Variants in PLXNB2 observed in about 807,000 individuals in gnomAD.
The protein encoded by PLXNB2 is plexin B2, also known as plexin-B2.
In PLXNB2, 85 loss-of-function variants were observed where a neutral mutation model predicts 202.6. That is an observed-to-expected ratio of 0.42 (90% CI 0.35 to 0.50). The LOEUF (loss-of-function observed/expected upper bound fraction) is 0.50, where lower values mean the gene tolerates loss of function less well. PLXNB2 is among the 20% of genes least tolerant of loss of function. PLXNB2 has a pLI of 0.02. For missense variants in PLXNB2, 2,063 were observed against 2,586.2 expected (o/e 0.80, Z 4.39); for synonymous variants, 1,239 against 1,137.6 (o/e 1.09, Z -1.79).
Position 50,289,428 on chromosome 22 carries a change from C to T in PLXNB2, c.1068+89G>A, listed in dbSNP as rs1031031164. On this transcript the variant is annotated intron_variant, in intron 3 of 36. Transcript: ENST00000359337. This position sits in a 1 kb window ranked among gnomAD's most constrained non-coding sequence, Gnocchi z 8.0. The stretch of plus-strand genomic sequence containing the variant: ...GCGAGAGCCACGGCCACACTGCTCA[C>T]GTGCACCCTCCCCAGCAGGCTGGGA... 2.3e-5 allele frequency: 33 copies of T among 1,451,664 alleles called. No individual in the cohort carries two copies. Among genetic ancestry groups the T allele is most frequent in the African/African-American group, 1.7e-4 (12 of 70,448 alleles). 89.9% of individuals were successfully genotyped at this position (1,451,664 alleles called of 1,614,324 possible).
At position 50,296,477 on chromosome 22, in the gene PLXNB2, A is replaced by G. The variant is rs1333758106; in HGVS notation, c.-73-1699T>C. ...GAAGCTGAGCCAGGCACGGTGGCTC[A>G]CGCCTGTAATCCCAGCACTTTGGGA... On this transcript the variant is annotated intron_variant, in intron 1 of 36. Coordinates refer to ENST00000359337, the MANE Select transcript of PLXNB2 (RefSeq NM_012401.4). Among the ~76,000 whole-genome samples the G allele has an allele frequency of 2.6e-5, 4 of 151,442 alleles. No homozygotes were observed. In the East Asian group the frequency reaches 7.8e-4, roughly 30 times the overall value.
chr22:50,276,498 C>A (rs2065606025), intron 35 of PLXNB2, 131 bp downstream of exon 35: 1 of 777,700 alleles, frequency 1.3e-6, no homozygotes, highest in African/African-American at 1.7e-5. Context: ...GCCGAGCCCA[C>A]CTCGAGGTCC....
At chr22:50,293,237 G>C (rs956746967) in intron 2 of PLXNB2, among the ~76,000 whole-genome samples, 3 of 152,202 alleles carry the variant, frequency 2.0e-5, no homozygotes, top group Non-Finnish European at 2.9e-5. Flanking sequence ...TCAGTGGCCT[G>C]TCCAGGGGAG....
At chr22:50,303,895 T>A (rs1601784523) in intron 1 of PLXNB2, among the ~76,000 whole-genome samples, 1 of 152,178 alleles carries the variant, frequency 6.6e-6, no homozygotes, top group East Asian at 1.9e-4. Flanking sequence ...AACTATTGGC[T>A]TTCAGAAGCC....
At position 50,283,928 on chromosome 22, in the gene PLXNB2, C is replaced by T. The variant is rs374234427; in HGVS notation, c.2326G>A (p.Asp776Asn). 60 of 1,567,518 alleles carry T rather than the reference C, an allele frequency of 3.8e-5. No individual in the cohort carries two copies. In the Admixed American group the frequency reaches 4.0e-4, roughly 10 times the overall value. Reference protein sequence around the residue: ...DCSLCRAANPDYRCAWCGGQS... With the variant: ...DCSLCRAANPNYRCAWCGGQS... ...CCCCCGCACCACGCACACCTGTAGT[C>T]GGGGTTAGCGGCCCGGCACAGGCTG... The change falls in exon 14 of 37, where the codon GAC (aspartate) becomes AAC (asparagine). Residue 776 changes from aspartate (D) to asparagine (N), a missense_variant. Physicochemically the swap from Asp to Asn is conservative, Grantham distance 23. Coordinates refer to ENST00000359337, the MANE Select transcript of PLXNB2 (RefSeq NM_012401.4).
intron 22 of PLXNB2, 22 bp downstream of exon 22, chr22:50,281,338 C>G: frequency 1.9e-6 from 3 of 1,610,334 alleles, no homozygotes; most frequent in Non-Finnish European, 2.5e-6. Flanking sequence ...AGGGTGTTGG[C>G]ACAGCCGGGG....
At position 50,286,044 on chromosome 22, in the gene PLXNB2, G is replaced by A. The variant is rs190686647; in HGVS notation, c.1932C>T (p.His644=). 6.2e-6 allele frequency: 10 copies of A among 1,612,422 alleles called. No homozygotes were observed. Among genetic ancestry groups the A allele is most frequent in the Middle Eastern group, 1.7e-4 (1 of 6,056 alleles). The change falls in exon 10 of 37, where the codon CAC becomes CAT. Residue 644 remains histidine (H), a synonymous_variant. Transcript: ENST00000359337. ...RWTCQWDLRY[H]ECREASPNPE... ...GGTTGGGCGAAGCCTCCCGGCACTC[G>A]TGGTAGCGCAGGTCCCACTGGCAGG... is the stretch of plus-strand genomic sequence containing the variant.
chr22:50,287,557 G>A (rs1003585520), intron 7 of PLXNB2, 110 bp downstream of exon 7: 23 of 1,121,682 alleles, frequency 2.1e-5, no homozygotes, highest in East Asian at 5.2e-5. Context: ...GAGCCCAGGC[G>A]GGGGAGATGT....
At chr22:50,301,986 C>T (rs1240391238) in intron 1 of PLXNB2, among the ~76,000 whole-genome samples, 2 of 152,240 alleles carry the variant, frequency 1.3e-5, no homozygotes, top group African/African-American at 2.4e-5. Context: ...ACCCAGAACT[C>T]GTCCCCAGTA....
At position 50,286,054 on chromosome 22, in the gene PLXNB2, A is replaced by G. The variant is rs2066432430; in HGVS notation, c.1922T>C (p.Leu641Pro). Residue 641 changes from leucine (L) to proline (P), a missense_variant, in exon 10 of 37, where the codon CTG (leucine) becomes CCG (proline). Physicochemically the swap from Leu to Pro is moderately conservative, Grantham distance 98. Transcript: ENST00000359337. ...AGCCTCCCGGCACTCGTGGTAGCGC[A>G]GGTCCCACTGGCAGGTCCAGCGGTT... ...VSNRWTCQWD[L>P]RYHECREASP... 3.1e-6 allele frequency: 5 copies of G among 1,612,464 alleles called. No individual in the cohort carries two copies. The highest frequency in any genetic ancestry group is 4.2e-6 in the Non-Finnish European group (5 of 1,179,966).
At chr22:50,301,155 G>A (rs2067659034) in intron 1 of PLXNB2, among the ~76,000 whole-genome samples, 1 of 152,212 alleles carries the variant, frequency 6.6e-6, no homozygotes, top group Non-Finnish European at 1.5e-5. Context: ...CCAGCCCTCA[G>A]ACAGAAGGTG....
Position 50,282,792 on chromosome 22 carries a change from G to A in PLXNB2, c.2906C>T (p.Pro969Leu). 6.2e-7 allele frequency: 1 copy of A among 1,612,860 alleles called. No homozygotes were observed. The highest frequency in any genetic ancestry group is 2.2e-5 in the East Asian group (1 of 44,864). The change falls in exon 18 of 37, where the codon CCC becomes CTC. Residue 969 changes from proline to leucine, a missense_variant. This residue lies in a region of PLXNB2 where 1,303 missense variants were observed against 1,476.8 expected (regional missense o/e 0.88). Coordinates refer to ENST00000359337, the MANE Select transcript of PLXNB2 (RefSeq NM_012401.4). Reference protein sequence around the residue: ...MLLEVSYGGSPVPNPGIFFTY... With the variant: ...MLLEVSYGGSLVPNPGIFFTY... The stretch of plus-strand genomic sequence containing the variant: ...GAAGAAGATGCCGGGGTTGGGCACG[G>A]GGGACCCCCCGTAGGAGACCTCCAG...
rs778430170 is a variant in PLXNB2, at chr22:50,277,591, G to A, written c.5196C>T (p.Arg1732=). ...CCAGACCTGCCCCCACCCCACTCAC[G>A]CGGCTCAGCTTATGCTCCGTGCGCG... is the stretch of plus-strand genomic sequence containing the variant. The part of the protein sequence containing the change: ...ACTRTEHKLS[R]DSPSNKLLYA... Residue 1732 remains arginine, a splice_region_variant and synonymous_variant, in exon 33 of 37, where the codon CGC becomes CGT. Coordinates refer to ENST00000359337, the MANE Select transcript of PLXNB2 (RefSeq NM_012401.4). The A allele has an allele frequency of 3.6e-5, 56 of 1,563,180 alleles. No individual in the cohort carries two copies. The highest frequency in any genetic ancestry group is 3.6e-5 in the Admixed American group (2 of 54,986).
In PLXNB2 at chr22:50,283,067, G is replaced by A. The variant is rs1285951636; in HGVS notation, c.2799C>T (p.Asn933=). The A allele has an allele frequency of 5.6e-6, 9 of 1,611,056 alleles. No individual in the cohort carries two copies. The highest frequency in any genetic ancestry group is 5.1e-6 in the Non-Finnish European group (6 of 1,179,174). The part of the protein sequence containing the change: ...GSQEDVRVTL[N]GVPCKVTKFG... The stretch of plus-strand genomic sequence containing the variant: ...ACACCCACACTTTACACGGGACGCC[G>A]TTGAGGGTCACCCGCACGTCCTCCT... Residue 933 remains asparagine, a synonymous_variant, in exon 17 of 37, where the codon AAC becomes AAT. Transcript: ENST00000359337.
chr22:50,279,894 C>A (rs1289565906), intron 26 of PLXNB2, 111 bp downstream of exon 26: 7 of 1,435,346 alleles, frequency 4.9e-6, no homozygotes, highest in South Asian at 1.2e-5. Flanking sequence ...GGAAGCAAAC[C>A]TGTCCAGGCA....
At position 50,288,766 on chromosome 22, in the gene PLXNB2, G is replaced by A. The variant is rs1346124430; in HGVS notation, c.1357C>T (p.Leu453=). Residue 453 remains leucine (L), a synonymous_variant, in exon 5 of 37, where the codon CTG becomes TTG. Transcript: ENST00000359337. The surrounding 1 kb of genome is among the most constrained non-coding windows in gnomAD (Gnocchi z 5.0). ...ACCTTGTCCTGGGTCATGGCGTACA[G>A]GCTGCCCAGGTCTCCAGACAGTACC... ...DLVLSGDLGS[L]YAMTQDKVFR... The A allele has an allele frequency of 1.2e-6, 2 of 1,613,034 alleles. No homozygotes were observed. The highest frequency in any genetic ancestry group is 1.7e-6 in the Non-Finnish European group (2 of 1,179,960).
Position 50,290,490 on chromosome 22 carries a change from T to G in PLXNB2, c.95A>C (p.Lys32Thr), listed in dbSNP as rs199944521. 77 of 1,612,708 alleles carry G rather than the reference T, an allele frequency of 4.8e-5. No individual in the cohort carries two copies. The Admixed American group carries it at 8.8e-4, about 19-fold the overall frequency. ...ATCCACAGCCAGGTGGTTCAGCTCT[T>G]TCTCGCTGCGGAAGAAGTCCAGCTT... is the stretch of plus-strand genomic sequence containing the variant. ...PRKLDFFRSE[K>T]ELNHLAVDEA... Residue 32 changes from lysine to threonine, a missense_variant, in exon 3 of 37, where the codon AAA (lysine) becomes ACA (threonine). Around this residue, in one of 2 missense-constraint regions of PLXNB2, gnomAD observed 1,303 missense variants for 1,476.8 expected, o/e 0.88. Coordinates refer to ENST00000359337, the MANE Select transcript of PLXNB2 (RefSeq NM_012401.4).
chr22:50,283,936 GC>G lies in PLXNB2; in HGVS notation c.2317del (p.Ala773LeufsTer89). On this transcript the variant is annotated frameshift_variant, in exon 14 of 37. Transcript: ENST00000359337. LOFTEE classifies it high-confidence loss of function. ...CCACGCACACCTGTAGTCGGGGTTA[GC>G]GGCCCGGCACAGGCTGCAGTCGCTG... ...GRSDCSLCRAANPDYRCAWCG... is the reference protein window; with the variant it reads ...GRSDCSLCRAXNPDYRCAWCG... 1 of 1,564,080 alleles carries G rather than the reference GC, an allele frequency of 6.4e-7. No homozygotes were observed. The highest frequency in any genetic ancestry group is 8.6e-7 in the Non-Finnish European group (1 of 1,156,160).
chr22:50,306,730 CACCCCCT>C (rs2147742736), intron 1 of PLXNB2, among the ~76,000 whole-genome samples: 1 of 148,672 alleles, frequency 6.7e-6, no homozygotes, highest in South Asian at 2.1e-4. Flanking sequence ...CCCTCACCCT[CACCCCCT>C]GTCCTGACTC....
Sources: allele counts gnomAD v4.1 joint callset (sites outside exome capture counted in the v4.1 genomes callset), GRCh38; gene constraint gnomAD v4.1.1; regional missense constraint gnomAD v4.1.1; non-coding constraint Gnocchi (gnomAD v3.1); transcripts MANE v1.5; gene names NCBI Gene and HGNC (gene_info 2026-07-23, HGNC 2026-07-21).